Variants in DHX16 observed in about 807,000 individuals in gnomAD.
DHX16 encodes pre-mRNA-splicing factor ATP-dependent RNA helicase DHX16.
DHX16 carries 81 observed loss-of-function variants against 131.2 expected under a neutral mutation model. That is an observed-to-expected ratio of 0.62 (90% CI 0.52 to 0.74). The LOEUF is 0.74. Ranked by LOEUF, DHX16 falls within the 30% of genes least tolerant of loss-of-function variation. DHX16 has a pLI of 0.00. For synonymous variants in DHX16, 440 were observed against 520.2 expected (o/e 0.85, Z 2.10); for missense variants, 980 against 1,363.1 (o/e 0.72, Z 4.43).
rs956040912 is a variant in DHX16 at position 30,656,796 on chromosome 6, G to A, written c.2149-37C>T. On this transcript the variant is annotated intron_variant, in intron 13 of 19. Transcript: ENST00000376442. This position sits in a 1 kb window ranked among gnomAD's most constrained non-coding sequence, Gnocchi z 5.1. ...GGGGAACAGGCTGGCTGACAATTTG[G>A]TCAGGGAAAAGAAAAAGGCAGTATT... 6.2e-7 allele frequency: 1 copy of A among 1,609,554 alleles called. No individual in the cohort carries two copies. The highest frequency in any genetic ancestry group is 8.5e-7 in the Non-Finnish European group (1 of 1,179,530).
At chr6:30,653,487 C>T (rs1321228763) in intron 19 of DHX16, 117 bp from the exon 20 acceptor site, 3 of 1,203,670 alleles carry the variant, frequency 2.5e-6, no homozygotes, top group South Asian at 1.7e-5. Context: ...GGCTGGACTG[C>T]AGTGGCGTAT....
In DHX16 at chr6:30,662,587, G is replaced by C. The variant is rs987442323; in HGVS notation, c.1544+40C>G. 26 of 1,529,638 alleles carry C rather than the reference G, an allele frequency of 1.7e-5. No individual in the cohort carries two copies. The African/African-American group carries it at 3.4e-4, about 20-fold the overall frequency. 94.8% of individuals were successfully genotyped at this position (1,529,638 alleles called of 1,614,324 possible). A position where few individuals can be genotyped will look rare whatever the true frequency, so the allele number is the denominator to read the frequency against. Reference sequence around the variant, plus strand: ...CAGAAGACAATGGCTGAATTGGCTGGGTGGGAAGAAGGGAGAGAAAGGCCA... The same window carrying C: ...CAGAAGACAATGGCTGAATTGGCTGCGTGGGAAGAAGGGAGAGAAAGGCCA... On this transcript the variant is annotated intron_variant, in intron 9 of 19. Coordinates refer to ENST00000376442, the MANE Select transcript of DHX16 (RefSeq NM_003587.5). The surrounding 1 kb of genome is among the most constrained non-coding windows in gnomAD (Gnocchi z 4.7).
At position 30,660,068 on chromosome 6, in the gene DHX16, G is replaced by A. The variant is rs369115485; in HGVS notation, c.1719C>T (p.Pro573=). 1.3e-4 allele frequency: 202 copies of A among 1,612,818 alleles called. No homozygotes were observed. The highest frequency in any genetic ancestry group is 1.6e-4 in the Non-Finnish European group (186 of 1,179,904). Residue 573 remains proline (P), a synonymous_variant, in exon 10 of 20, where the codon CCC becomes CCT. Transcript: ENST00000376442. ...FFDDAPVFRI[P]GRRFPVDIFY... Reference sequence around the variant, plus strand: ...AGATGTCCACAGGAAACCTGCGTCCGGGGATTCGAAACACAGGGGCGTCAT... The same window carrying A: ...AGATGTCCACAGGAAACCTGCGTCCAGGGATTCGAAACACAGGGGCGTCAT...
intron 19 of DHX16, 102 bp downstream of exon 19, chr6:30,654,604 T>C (rs994774158): frequency 8.3e-7 from 1 of 1,198,594 alleles, no homozygotes; most frequent in African/African-American, 1.5e-5. Context: ...ACCTTCCTCT[T>C]TCTGTACCAG....
rs1306585044 is a variant in DHX16 at position 30,654,720 on chromosome 6, C to A, written c.2983G>T (p.Glu995Ter). The A allele has an allele frequency of 1.9e-6, 3 of 1,612,400 alleles. No homozygotes were observed. The highest frequency in any genetic ancestry group is 2.5e-6 in the Non-Finnish European group (3 of 1,179,710). ...GTTCTCCTCACCTGTCTCATGAACT[C>A]TTTGGTGGTCAAGACAAGTTCGTGG... is the stretch of plus-strand genomic sequence containing the variant. Reference protein sequence around the residue: ...LYHELVLTTKEFMRQVLEIES... With the variant: ...LYHELVLTTK The change falls in exon 19 of 20, where the codon GAG becomes TAG. Residue 995 changes from glutamate to a stop codon, truncating the protein, a stop_gained. Transcript: ENST00000376442. LOFTEE classifies it high-confidence loss of function.
chr6:30,656,366 C>T lies in DHX16; in HGVS notation c.2430+25G>A. On this transcript the variant is annotated intron_variant, in intron 15 of 19. Coordinates refer to ENST00000376442, the MANE Select transcript of DHX16 (RefSeq NM_003587.5). The surrounding 1 kb of genome is among the most constrained non-coding windows in gnomAD (Gnocchi z 5.1). The stretch of plus-strand genomic sequence containing the variant: ...CATCCTGACCCCTATCATCCTGCCT[C>T]CACCCATGCTGTCCCCCGACTCACC... The T allele has an allele frequency of 6.2e-7, 1 of 1,612,638 alleles. No homozygotes were observed. The highest frequency in any genetic ancestry group is 8.5e-7 in the Non-Finnish European group (1 of 1,178,824).
At position 30,670,681 on chromosome 6, in the gene DHX16, T is replaced by C. The variant is rs952002099; in HGVS notation, c.609+109A>G. 1.4e-6 allele frequency: 2 copies of C among 1,474,998 alleles called. No individual in the cohort carries two copies. The highest frequency in any genetic ancestry group is 1.2e-5 in the South Asian group (1 of 81,930). 91.4% of individuals were successfully genotyped at this position (1,474,998 alleles called of 1,614,324 possible). A position where few individuals can be genotyped will look rare whatever the true frequency, so the allele number is the denominator to read the frequency against. ...CTCACCACAGAGGTGAACATCTCAC[T>C]AGAGACAGCCCCTTGTCTTCCCAGA... On this transcript the variant is annotated intron_variant, in intron 3 of 19. Transcript: ENST00000376442. The surrounding 1 kb of genome is among the most constrained non-coding windows in gnomAD (Gnocchi z 4.4).
Position 30,670,273 on chromosome 6 carries a change from A to G in DHX16, c.666+137T>C. 1 of 800,866 alleles carries G rather than the reference A, an allele frequency of 1.2e-6. No individual in the cohort carries two copies. The highest frequency in any genetic ancestry group is 1.9e-6 in the Non-Finnish European group (1 of 514,458). 49.6% of individuals were successfully genotyped at this position (800,866 alleles called of 1,614,324 possible). On this transcript the variant is annotated intron_variant, in intron 4 of 19. Coordinates refer to ENST00000376442, the MANE Select transcript of DHX16 (RefSeq NM_003587.5). The surrounding 1 kb of genome is among the most constrained non-coding windows in gnomAD (Gnocchi z 4.4). ...TATCCTCAGCTGGCTCCTAACAACCAAGCCCCTCTTCTAGAAACCTGACCA... is the reference window on the plus strand; with the variant it reads ...TATCCTCAGCTGGCTCCTAACAACCGAGCCCCTCTTCTAGAAACCTGACCA...
At chr6:30,669,360 A>G (rs555425254) in intron 4 of DHX16, among the ~76,000 whole-genome samples, 2 of 151,866 alleles carry the variant, frequency 1.3e-5, no homozygotes, top group African/African-American at 4.8e-5. Flanking sequence ...CCAGGGAGGC[A>G]CAGGTTGTAG....
chr6:30,655,144 G>A, intron 18 of DHX16, 31 bp downstream of exon 18: 1 of 1,613,722 alleles, frequency 6.2e-7, no homozygotes, highest in Non-Finnish European at 8.5e-7. Flanking sequence ...GGTACTGGGG[G>A]TGGAAAGCAG....
rs1002656365 is a variant in DHX16 at position 30,671,118 on chromosome 6, G to A, written c.364C>T (p.Arg122Cys). The A allele has an allele frequency of 5.0e-6, 8 of 1,612,746 alleles. No homozygotes were observed. The highest frequency in any genetic ancestry group is 1.6e-4 in the Middle Eastern group (1 of 6,084). The change falls in exon 2 of 20, where the codon CGT (arginine) becomes TGT (cysteine). Residue 122 changes from arginine to cysteine, a missense_variant. Physicochemically the swap from Arg to Cys is radical, Grantham distance 180. Coordinates refer to ENST00000376442, the MANE Select transcript of DHX16 (RefSeq NM_003587.5). ...TTCCTGAGGTGTTTCCGCTTTTTAC[G>A]TTTCTTCTGGAGGCTGCTTCCAGCC... Reference protein sequence around the residue: ...SRAGSSLQKKRKKRKHLRKKR... With the variant: ...SRAGSSLQKKCKKRKHLRKKR...
intron 4 of DHX16, among the ~76,000 whole-genome samples, chr6:30,666,012 T>C (rs1348272419): frequency 6.6e-6 from 1 of 152,196 alleles, no homozygotes; most frequent in Non-Finnish European, 1.5e-5. Flanking sequence ...ATAGATGCAC[T>C]AGGGAGATGT....
intron 4 of DHX16, among the ~76,000 whole-genome samples, chr6:30,667,507 G>A (rs1052911772): frequency 4.0e-5 from 6 of 151,272 alleles, no homozygotes; most frequent in Non-Finnish European, 8.8e-5. Flanking sequence ...GCATGAACCC[G>A]GAAGGCAGAG....
chr6:30,655,074 G>A lies in DHX16; in HGVS notation c.2823+101C>T, dbSNP rs895954857. ...GGACACGTCATACACAAGGGGAAGA[G>A]GGCATGCTCTCACGCTGGAGGAAAT... On this transcript the variant is annotated intron_variant, in intron 18 of 19. Transcript: ENST00000376442. 1.8e-4 allele frequency: 276 copies of A among 1,509,820 alleles called. 1 individual carries two copies. The highest frequency in any genetic ancestry group is 2.3e-4 in the Non-Finnish European group (252 of 1,100,366). 93.5% of individuals were successfully genotyped at this position (1,509,820 alleles called of 1,614,324 possible).
At position 30,665,697 on chromosome 6, in the gene DHX16, G is replaced by C; in HGVS notation, c.703C>G (p.Leu235Val). 1 of 1,611,614 alleles carries C rather than the reference G, an allele frequency of 6.2e-7. No individual in the cohort carries two copies. Among genetic ancestry groups the C allele is most frequent in the Non-Finnish European group, 8.5e-7 (1 of 1,180,028 alleles). The stretch of plus-strand genomic sequence containing the variant: ...AGCTTCTCTCGCTCCCGCTTAGCCA[G>C]GTACTCTCGGCGAGATTTCTTCCGC... ...ELRKKSRREYLAKREREKLED... is the reference protein window; with the variant it reads ...ELRKKSRREYVAKREREKLED... Residue 235 changes from leucine to valine, a missense_variant, in exon 5 of 20, where the codon CTG becomes GTG. Leu to Val is a conservative substitution (Grantham distance 32). Around this residue, in one of 3 missense-constraint regions of DHX16, gnomAD observed 457 missense variants for 554.8 expected, o/e 0.82. Coordinates refer to ENST00000376442, the MANE Select transcript of DHX16 (RefSeq NM_003587.5). The surrounding 1 kb of genome is among the most constrained non-coding windows in gnomAD (Gnocchi z 4.8).
In DHX16 at chr6:30,670,602, C is replaced by A; in HGVS notation, c.610-136G>T. ...TGTCCCCTCTCAGTGAGGAATCTCT[C>A]TGATTGCAGGTACAGCAGACAGTTG... is the stretch of plus-strand genomic sequence containing the variant. On this transcript the variant is annotated intron_variant, in intron 3 of 19. Coordinates refer to ENST00000376442, the MANE Select transcript of DHX16 (RefSeq NM_003587.5). The surrounding 1 kb of genome is among the most constrained non-coding windows in gnomAD (Gnocchi z 4.4). The A allele has an allele frequency of 8.2e-7, 1 of 1,219,236 alleles. No homozygotes were observed. The allele number at this position is 1,219,236 out of a possible 1,614,324, so 75.5% of individuals were successfully genotyped here.
In DHX16 at chr6:30,670,563, C is replaced by T; in HGVS notation, c.610-97G>A. ...AATCACAAGGATCATTCAGATGCGC[C>T]CTAACACAAAAAATGTCCCCTCTCA... On this transcript the variant is annotated intron_variant, in intron 3 of 19. Coordinates refer to ENST00000376442, the MANE Select transcript of DHX16 (RefSeq NM_003587.5). This position sits in a 1 kb window ranked among gnomAD's most constrained non-coding sequence, Gnocchi z 4.4. The T allele has an allele frequency of 7.3e-7, 1 of 1,377,300 alleles. No homozygotes were observed. The highest frequency in any genetic ancestry group is 1.0e-6 in the Non-Finnish European group (1 of 997,264). The allele number at this position is 1,377,300 out of a possible 1,614,324, so 85.3% of individuals were successfully genotyped here.
At position 30,672,720 on chromosome 6, in the gene DHX16, T is replaced by C; in HGVS notation, c.122A>G (p.Glu41Gly). The change falls in exon 1 of 20, where the codon GAG (glutamate) becomes GGG (glycine). Residue 41 changes from glutamate (E) to glycine (G), a missense_variant. Glu to Gly is a moderately conservative substitution (Grantham distance 98). Coordinates refer to ENST00000376442, the MANE Select transcript of DHX16 (RefSeq NM_003587.5). Reference sequence around the variant, plus strand: ...GTCTCGTAGGCGCTGCACGAACTCCTCGGCAGAGGTGCAGCGCTGTGCGGT... The same window carrying C: ...GTCTCGTAGGCGCTGCACGAACTCCCCGGCAGAGGTGCAGCGCTGTGCGGT... ...IGTAQRCTSA[E>G]EFVQRLRDTD... is the part of the protein sequence containing the mutation. 6.2e-7 allele frequency: 1 copy of C among 1,612,694 alleles called. No individual in the cohort carries two copies. Among genetic ancestry groups the C allele is most frequent in the Non-Finnish European group, 8.5e-7 (1 of 1,179,954 alleles).
In DHX16 at chr6:30,670,997, C is replaced by T; in HGVS notation, c.446+39G>A. ...TTAAATAAGGGCATAGAGAACACTT[C>T]AGCCTGCCCCATCCTCTCTCACCCT... On this transcript the variant is annotated intron_variant, in intron 2 of 19. Coordinates refer to ENST00000376442, the MANE Select transcript of DHX16 (RefSeq NM_003587.5). The surrounding 1 kb of genome is among the most constrained non-coding windows in gnomAD (Gnocchi z 4.4). The T allele has an allele frequency of 1.2e-6, 2 of 1,613,064 alleles. No homozygotes were observed.
Sources: allele counts gnomAD v4.1 joint callset (sites outside exome capture counted in the v4.1 genomes callset), GRCh38; gene constraint gnomAD v4.1.1; regional missense constraint gnomAD v4.1.1; non-coding constraint Gnocchi (gnomAD v3.1); transcripts MANE v1.5; gene names NCBI Gene and HGNC (gene_info 2026-07-23, HGNC 2026-07-21).